Variants in PDE4D observed in about 807,000 individuals in gnomAD.
PDE4D encodes phosphodiesterase 4D.
Under a neutral mutation model 87.4 loss-of-function variants are expected in PDE4D, and 24 were observed. The observed-to-expected ratio is 0.27, with a 90% CI of 0.20 to 0.39. PDE4D has a LOEUF of 0.39. Ranked by LOEUF, PDE4D falls within the 10% of genes least tolerant of loss-of-function variation. The pLI is 1.00. For missense variants in PDE4D, 714 were observed against 1,041.0 expected, an observed-to-expected ratio of 0.69 and a Z score of 4.32; for synonymous variants, 384 against 383.2, an observed-to-expected ratio of 1.00 and a Z score of -0.02.
intron 1 of PDE4D, among the ~76,000 whole-genome samples, chr5:60,191,257 C>A (rs1177188881): frequency 6.6e-6 from 1 of 152,012 alleles, no homozygotes; most frequent in Non-Finnish European, 1.5e-5. Flanking sequence ...GCTTCTTCAA[C>A]TGGGGCATTG....
intron 1 of PDE4D, among the ~76,000 whole-genome samples, chr5:60,303,700 G>T (rs113528603): frequency 6.6e-6 from 1 of 152,142 alleles, no homozygotes; most frequent in Non-Finnish European, 1.5e-5. Context: ...TTTGCGAGGC[G>T]TGTTTTACTT....
chr5:59,890,486 A>G (rs1750803709), intron 1 of PDE4D, among the ~76,000 whole-genome samples: 1 of 152,206 alleles, frequency 6.6e-6, no homozygotes, highest in South Asian at 2.1e-4. Context: ...TAAAATCTCT[A>G]ATTACTTCTA....
chr5:59,151,112 T>C (rs1166259637), intron 5 of PDE4D, among the ~76,000 whole-genome samples: 1 of 152,208 alleles, frequency 6.6e-6, no homozygotes, highest in Non-Finnish European at 1.5e-5. Flanking sequence ...ACATTTATTT[T>C]GATCTAGTTA....
At chr5:60,192,875 C>T (rs1462892524) in intron 1 of PDE4D, among the ~76,000 whole-genome samples, 1 of 152,174 alleles carries the variant, frequency 6.6e-6, no homozygotes, top group Non-Finnish European at 1.5e-5. Flanking sequence ...AGTTACTCAT[C>T]TCTTCTTACT....
intron 1 of PDE4D, among the ~76,000 whole-genome samples, chr5:59,567,911 T>C (rs1821213453): frequency 6.6e-6 from 1 of 152,246 alleles, no homozygotes; most frequent in South Asian, 2.1e-4. Context: ...TTGTTAGATA[T>C]GTGTACATAC....
At position 58,990,911 on chromosome 5, in the gene PDE4D, A is replaced by T; in HGVS notation, c.1189-9T>A. The T allele has an allele frequency of 3.1e-6, 1 of 324,434 alleles. No individual in the cohort carries two copies. The highest frequency in any genetic ancestry group is 4.4e-6 in the Non-Finnish European group (1 of 228,028). The allele number at this position is 324,434 out of a possible 1,614,324, so 20.1% of individuals were successfully genotyped here. A position where few individuals can be genotyped will look rare whatever the true frequency, so the allele number is the denominator to read the frequency against. ...TTCACATCTTCTAGTTCCTGGAGTG[A>T]AAAAAAAAAAAAGATACTAAAATAT... On this transcript the variant is annotated splice_polypyrimidine_tract_variant and intron_variant, in intron 8 of 14. Coordinates refer to ENST00000340635, the MANE Select transcript of PDE4D (RefSeq NM_001104631.2).
chr5:59,637,567 A>G (rs1832406823), intron 1 of PDE4D, among the ~76,000 whole-genome samples: 1 of 151,902 alleles, frequency 6.6e-6, no homozygotes, highest in African/African-American at 2.4e-5. Flanking sequence ...CTTTGCAGAC[A>G]TAAAAAAAAA....
chr5:59,091,074 G>C (rs1239272370), intron 5 of PDE4D: 1 of 451,320 alleles, frequency 2.2e-6, no homozygotes, highest in South Asian at 1.6e-5. Flanking sequence ...ATATGAAGGA[G>C]TACTCACTCT....
chr5:60,295,256 T>G (rs1036701411), intron 1 of PDE4D, among the ~76,000 whole-genome samples: 2 of 152,238 alleles, frequency 1.3e-5, no homozygotes, highest in African/African-American at 4.8e-5. Flanking sequence ...ATGGAAGCTA[T>G]TCCTTATGGT....
At chr5:59,964,693 C>CAGT (rs774001150) in intron 3 of PDE4D, among the ~76,000 whole-genome samples, 35 of 152,288 alleles carry the variant, frequency 2.3e-4, no homozygotes, top group Non-Finnish European at 4.1e-4. Flanking sequence ...TGAATTACTG[C>CAGT]AGTAGCTTCC....
intron 5 of PDE4D, among the ~76,000 whole-genome samples, chr5:59,088,702 T>C (rs1005058000): frequency 2.0e-5 from 3 of 152,034 alleles, no homozygotes; most frequent in Non-Finnish European, 2.9e-5. Flanking sequence ...ACACAGGAAC[T>C]GCATGTTCTC....
At chr5:59,949,434 C>CAAAAAAAAAAA (rs59654913) in intron 3 of PDE4D, among the ~76,000 whole-genome samples, 1 of 57,596 alleles carries the variant, frequency 1.7e-5, no homozygotes, top group Admixed American at 1.9e-4. Flanking sequence ...CTCCGTCTCA[C>CAAAAAAAAAAA]AAAAAAAAAA....
At chr5:59,637,797 T>C (rs183676226) in intron 1 of PDE4D, among the ~76,000 whole-genome samples, 213 of 152,238 alleles carry the variant, frequency 1.4e-3, no homozygotes, top group Admixed American at 0.011. Context: ...AAATACCTAA[T>C]GTAGATGATG....
At chr5:59,426,446 C>T (rs1226287152) in intron 1 of PDE4D, among the ~76,000 whole-genome samples, 1 of 151,862 alleles carries the variant, frequency 6.6e-6, no homozygotes, top group African/African-American at 2.4e-5. Flanking sequence ...TTTCTGATCC[C>T]AGCGATAATA....
chr5:59,574,027 T>C (rs1199950546), intron 1 of PDE4D, among the ~76,000 whole-genome samples: 1 of 120,186 alleles, frequency 8.3e-6, no homozygotes. Context: ...TATATATATA[T>C]AAAAATATAT....
chr5:58,974,398 A>AT lies in PDE4D; in HGVS notation c.*265dup. 1 of 294,520 alleles carries AT rather than the reference A, an allele frequency of 3.4e-6. No homozygotes were observed. Among genetic ancestry groups the AT allele is most frequent in the East Asian group, 5.7e-5 (1 of 17,634 alleles). The allele number at this position is 294,520 out of a possible 1,614,324, so 18.2% of individuals were successfully genotyped here. On this transcript the variant is annotated 3_prime_UTR_variant, in exon 15 of 15. Coordinates refer to ENST00000340635, the MANE Select transcript of PDE4D (RefSeq NM_001104631.2). ...CTCTCTTGAAAATAATTTGGAGTAG[A>AT]TTTTATCTGCTTTGTCAGCTCTACC...
At chr5:60,229,171 T>C (rs1235840879) in intron 1 of PDE4D, among the ~76,000 whole-genome samples, 1 of 152,112 alleles carries the variant, frequency 6.6e-6, no homozygotes, top group African/African-American at 2.4e-5. Context: ...AAGACTATAA[T>C]TTAATAGTAG....
At chr5:59,544,921 T>C (rs1817000321) in intron 1 of PDE4D, among the ~76,000 whole-genome samples, 1 of 152,202 alleles carries the variant, frequency 6.6e-6, no homozygotes, top group Non-Finnish European at 1.5e-5. Flanking sequence ...TGCTTTATTT[T>C]CTAGCACTCA....
intron 2 of PDE4D, among the ~76,000 whole-genome samples, chr5:60,183,526 G>C (rs1784539317): frequency 6.6e-6 from 1 of 152,166 alleles, no homozygotes; most frequent in Non-Finnish European, 1.5e-5. Context: ...TAAGTAAGGT[G>C]ATCGTTTAAG....
Sources: allele counts gnomAD v4.1 joint callset (sites outside exome capture counted in the v4.1 genomes callset), GRCh38; gene constraint gnomAD v4.1.1; transcripts MANE v1.5; gene names NCBI Gene and HGNC (gene_info 2026-07-23, HGNC 2026-07-21).